SREBF2: variants seen among roughly 807,000 people sequenced by gnomAD.
SREBF2 encodes sterol regulatory element binding transcription factor 2.
A neutral mutation model predicts 113.1 loss-of-function variants in SREBF2; 55 were observed. The ratio of observed to expected loss-of-function variants is 0.49; its 90% CI spans 0.39 to 0.61. The LOEUF is 0.61. Ranked by LOEUF, SREBF2 falls within the 20% of genes least tolerant of loss-of-function variation. The pLI, the probability that SREBF2 is intolerant of heterozygous loss-of-function variation, is 0.00. For missense variants in SREBF2, 1,349 were observed against 1,487.4 expected (o/e 0.91, Z 1.53); for synonymous variants, 593 against 605.7 (o/e 0.98, Z 0.31).
intron 14 of SREBF2, among the ~76,000 whole-genome samples, chr22:41,898,112 CTT>C (rs1374964704): frequency 6.6e-6 from 1 of 150,862 alleles, no homozygotes; most frequent in East Asian, 1.9e-4. Context: ...CGGGAGTGAA[CTT>C]TTTTATTTTT....
intron 1 of SREBF2, among the ~76,000 whole-genome samples, chr22:41,844,033 TACACACACACACACAC>T (rs71311415): frequency 3.2e-5 from 4 of 123,108 alleles, no homozygotes; most frequent in South Asian, 4.9e-4. Flanking sequence ...AAAAAATACA[TACACACACACACACAC>T]ACACACACAC....
intron 11 of SREBF2, among the ~76,000 whole-genome samples, chr22:41,887,162 C>A (rs2077307459): frequency 6.6e-6 from 1 of 152,010 alleles, no homozygotes; most frequent in Non-Finnish European, 1.5e-5. Flanking sequence ...TTGTAATGAG[C>A]CAAGATTGCA....
chr22:41,867,056 C>A lies in SREBF2; in HGVS notation c.314C>A (p.Ala105Asp). Residue 105 changes from alanine to aspartate, a missense_variant, in exon 2 of 19, where the codon GCC (alanine) becomes GAC (aspartate). Transcript: ENST00000361204. ...VTLPSFSPSAASPQAPTLQVK... is the reference protein window; with the variant it reads ...VTLPSFSPSADSPQAPTLQVK... ...TTACCTTCCTTCTCTCCCTCGGCGG[C>A]CTCCCCACAGGCTCCAACTCTGCAA... 2 of 1,614,176 alleles carry A rather than the reference C, an allele frequency of 1.2e-6. No homozygotes were observed. The highest frequency in any genetic ancestry group is 1.1e-5 in the South Asian group (1 of 91,084).
chr22:41,900,622 A>G, intron 16 of SREBF2, 124 bp downstream of exon 16: 2 of 1,027,252 alleles, frequency 1.9e-6, no homozygotes, highest in Non-Finnish European at 2.8e-6. Context: ...CCAGGACAGC[A>G]GCCCCCTTTC....
intron 1 of SREBF2, among the ~76,000 whole-genome samples, chr22:41,835,384 C>T (rs1044447945): frequency 6.7e-6 from 1 of 149,040 alleles, no homozygotes; most frequent in African/African-American, 2.5e-5. Context: ...GATCTCGGCT[C>T]ACCGCAACCT....
chr22:41,905,975 C>A lies in SREBF2; in HGVS notation c.*315C>A, dbSNP rs1027483597. On this transcript the variant is annotated 3_prime_UTR_variant, in exon 19 of 19. Coordinates refer to ENST00000361204, the MANE Select transcript of SREBF2 (RefSeq NM_004599.4). ...CTCCAGCCTTCCTGAGTTTCTCTCT[C>A]CTGAACCCTACTCTCTCCTTTTTGC... 1.7e-6 allele frequency: 1 copy of A among 590,110 alleles called. No homozygotes were observed. The highest frequency in any genetic ancestry group is 1.5e-5 in the South Asian group (1 of 65,724). The allele number at this position is 590,110 out of a possible 1,614,324, so 36.6% of individuals were successfully genotyped here. A position where few individuals can be genotyped will look rare whatever the true frequency, so the allele number is the denominator to read the frequency against.
chr22:41,881,373 A>C (rs2077244191), intron 10 of SREBF2, among the ~76,000 whole-genome samples: 1 of 152,270 alleles, frequency 6.6e-6, no homozygotes, highest in Non-Finnish European at 1.5e-5. Flanking sequence ...CTGCTATAAT[A>C]GGCAGAGAGG....
intron 1 of SREBF2, among the ~76,000 whole-genome samples, chr22:41,859,880 G>A (rs568721232): frequency 5.1e-5 from 7 of 137,550 alleles, no homozygotes; most frequent in East Asian, 4.5e-4. Flanking sequence ...GCGCAATCTC[G>A]GTGCAAGCTC....
At chr22:41,849,355 CTAACTTTTGTATTT>C (rs2076906166) in intron 1 of SREBF2, among the ~76,000 whole-genome samples, 1 of 152,092 alleles carries the variant, frequency 6.6e-6, no homozygotes, top group African/African-American at 2.4e-5. Context: ...CCACGCCCGG[CTAACTTTTGTATTT>C]TTAGAGAAAT....
At chr22:41,896,405 G>C (rs1470814516) in intron 13 of SREBF2, among the ~76,000 whole-genome samples, 1 of 152,118 alleles carries the variant, frequency 6.6e-6, no homozygotes, top group African/African-American at 2.4e-5. Context: ...TGTCACCCAG[G>C]CTGGAATGTA....
chr22:41,893,327 G>A, intron 12 of SREBF2, 42 bp downstream of exon 12: 2 of 1,608,920 alleles, frequency 1.2e-6, no homozygotes, highest in Non-Finnish European at 1.7e-6. Context: ...AGAAAGCCAT[G>A]CAAACCGCCG....
Position 41,905,484 on chromosome 22 carries a change from A to T in SREBF2, c.3250A>T (p.Ile1084Phe). Residue 1084 changes from isoleucine to phenylalanine, a missense_variant, in exon 19 of 19, where the codon ATC becomes TTC. By Grantham distance (21) the Ile-to-Phe change is conservative. Around this residue, in one of 2 missense-constraint regions of SREBF2, gnomAD observed 650 missense variants for 644.1 expected, o/e 1.01. Coordinates refer to ENST00000361204, the MANE Select transcript of SREBF2 (RefSeq NM_004599.4). ...WPGQRERATA[I>F]LLACRHLPLS... ...CGGCCAGCGAGAGCGGGCCACCGCC[A>T]TCCTGCTGGCCTGCCGCCACCTGCC... The T allele has an allele frequency of 6.3e-7, 1 of 1,580,882 alleles. No homozygotes were observed. The highest frequency in any genetic ancestry group is 2.3e-5 in the East Asian group (1 of 43,312).
chr22:41,841,654 A>C, intron 1 of SREBF2, among the ~76,000 whole-genome samples: 1 of 152,136 alleles, frequency 6.6e-6, no homozygotes, highest in East Asian at 1.9e-4. Context: ...CTTCTTTCTC[A>C]ACTAGATCAT....
chr22:41,838,752 A>G (rs2076801720), intron 1 of SREBF2, among the ~76,000 whole-genome samples: 1 of 152,156 alleles, frequency 6.6e-6, no homozygotes, highest in African/African-American at 2.4e-5. Flanking sequence ...AAAGAGAAAG[A>G]AAAGAAAATT....
chr22:41,894,105 G>A (rs751268546), intron 12 of SREBF2, among the ~76,000 whole-genome samples: 26 of 152,198 alleles, frequency 1.7e-4, no homozygotes, highest in Non-Finnish European at 3.2e-4. Context: ...CCCCACCCCT[G>A]CTGGCTAAAC....
intron 11 of SREBF2, among the ~76,000 whole-genome samples, chr22:41,890,005 G>T (rs1447753134): frequency 1.4e-5 from 2 of 145,812 alleles, no homozygotes; most frequent in African/African-American, 5.6e-5. Flanking sequence ...AAGAAAGAAA[G>T]AGAGAGAATA....
In SREBF2 at chr22:41,897,113, G is replaced by A. The variant is rs746704836; in HGVS notation, c.2557G>A (p.Val853Ile). 1 of 1,612,678 alleles carries A rather than the reference G, an allele frequency of 6.2e-7. No individual in the cohort carries two copies. Among genetic ancestry groups the A allele is most frequent in the Admixed American group, 1.7e-5 (1 of 60,002 alleles). Residue 853 changes from valine to isoleucine, a missense_variant, in exon 14 of 19, where the codon GTT (valine) becomes ATT (isoleucine). Val to Ile is a conservative substitution (Grantham distance 29, BLOSUM62 3). Around this residue, in one of 2 missense-constraint regions of SREBF2, gnomAD observed 650 missense variants for 644.1 expected, o/e 1.01. Transcript: ENST00000361204. Reference sequence around the variant, plus strand: ...TCATTCTTTTGTGGACTCTGTGGGGGTTATGAGCCCCCCACTCTCCAGGAG... The same window carrying A: ...TCATTCTTTTGTGGACTCTGTGGGGATTATGAGCCCCCCACTCTCCAGGAG... ...LLHSFVDSVG[V>I]MSPPLSRSSV...
chr22:41,885,279 T>C (rs1052166046), intron 11 of SREBF2, among the ~76,000 whole-genome samples: 1 of 152,194 alleles, frequency 6.6e-6, no homozygotes, highest in Non-Finnish European at 1.5e-5. Context: ...AATATGAAGA[T>C]TGGTTCAGCA....
chr22:41,884,135 T>G (rs1196169262), intron 10 of SREBF2, among the ~76,000 whole-genome samples: 9 of 151,184 alleles, frequency 6.0e-5, no homozygotes, highest in Admixed American at 4.6e-4. Flanking sequence ...GAAGGCGGGT[T>G]TTTTTTTGGC....
Sources: allele counts gnomAD v4.1 joint callset (sites outside exome capture counted in the v4.1 genomes callset), GRCh38; gene constraint gnomAD v4.1.1; regional missense constraint gnomAD v4.1.1; transcripts MANE v1.5; gene names NCBI Gene and HGNC (gene_info 2026-07-23, HGNC 2026-07-21).